Variants in ROBO2 observed in about 807,000 individuals in gnomAD.
ROBO2 encodes the protein roundabout homolog 2.
A neutral mutation model predicts 160.8 loss-of-function variants in ROBO2; 53 were observed. That is an observed-to-expected ratio of 0.33 (90% confidence interval 0.26 to 0.41). The LOEUF (loss-of-function observed/expected upper bound fraction) is 0.41. Ranked by LOEUF, ROBO2 falls within the 10% of genes least tolerant of loss-of-function variation. The pLI is 1.00. For missense variants in ROBO2, 1,577 were observed against 1,722.4 expected (o/e 0.92, Z 1.49); for synonymous variants, 664 against 611.7 (o/e 1.09, Z -1.26).
In ROBO2 at chr3:76,396,881, G is replaced by A. The variant is rs146125906; in HGVS notation, c.109+459279G>A. Among the ~76,000 whole-genome samples the A allele has an allele frequency of 3.3e-3, 501 of 152,234 alleles. 6 individuals are homozygous for A. The highest frequency in any genetic ancestry group is 0.024 in the Admixed American group (366 of 15,282). ...CATGGGTAGGAAGAATCAATATTGT[G>A]GAAATGGCCATACTGCCCAAGGTAA... On this transcript the variant is annotated intron_variant, in intron 2 of 26. Coordinates refer to the ROBO2 transcript ENST00000487694.
At chr3:75,913,564 A>T (rs1356903581) in intron 1 of ROBO2, among the ~76,000 whole-genome samples, 1 of 152,226 alleles carries the variant, frequency 6.6e-6, no homozygotes, top group Non-Finnish European at 1.5e-5. Flanking sequence ...ACAGCTACTG[A>T]TAAATTAAAT....
At chr3:77,422,559 G>T (rs1581814660) in intron 2 of ROBO2, among the ~76,000 whole-genome samples, 1 of 152,168 alleles carries the variant, frequency 6.6e-6, no homozygotes, top group Admixed American at 6.5e-5. Flanking sequence ...TCAGCTCAAT[G>T]ATATCGAACC....
intron 2 of ROBO2, among the ~76,000 whole-genome samples, chr3:77,188,204 TTA>T: frequency 2.0e-5 from 3 of 151,866 alleles, no homozygotes; most frequent in African/African-American, 7.2e-5. Context: ...GCTTATTTAC[TTA>T]TATATTATTT....
At chr3:77,439,475 C>A (rs1434330969) in intron 2 of ROBO2, among the ~76,000 whole-genome samples, 2 of 151,946 alleles carry the variant, frequency 1.3e-5, no homozygotes, top group East Asian at 3.9e-4. Flanking sequence ...TTATGATATA[C>A]AAATTAGTTC....
chr3:77,025,385 T>A, intron 2 of ROBO2, among the ~76,000 whole-genome samples: 1 of 152,298 alleles, frequency 6.6e-6, no homozygotes, highest in African/African-American at 2.4e-5. Flanking sequence ...CATCAATAAT[T>A]AATTTTGTGG....
At chr3:76,866,612 T>C (rs1330387106) in intron 2 of ROBO2, among the ~76,000 whole-genome samples, 1 of 152,196 alleles carries the variant, frequency 6.6e-6, no homozygotes, top group African/African-American at 2.4e-5. Flanking sequence ...TGACTGTCTC[T>C]TTGTGAGTTA....
chr3:76,072,841 A>C (rs2068507608), intron 2 of ROBO2, among the ~76,000 whole-genome samples: 1 of 152,186 alleles, frequency 6.6e-6, no homozygotes, highest in African/African-American at 2.4e-5. Flanking sequence ...AGAGGCAGTA[A>C]AGTTGTACTA....
intron 23 of ROBO2, chr3:77,631,221 T>C (rs866052368): frequency 6.6e-6 from 1 of 152,122 alleles, no homozygotes; most frequent in Non-Finnish European, 1.5e-5. Context: ...CCCTTTTAAC[T>C]TCTCCGATCA....
At chr3:75,996,445 A>G (rs981678917) in intron 2 of ROBO2, among the ~76,000 whole-genome samples, 1 of 152,164 alleles carries the variant, frequency 6.6e-6, no homozygotes, top group African/African-American at 2.4e-5. Context: ...CTCCCCAGCC[A>G]TGTGGAACTG....
chr3:77,047,450 T>C (rs4074094), intron 1 of ROBO2, among the ~76,000 whole-genome samples: 113,831 of 150,406 alleles, frequency 0.76, 44,912 homozygotes, highest in Non-Finnish European at 0.87. Flanking sequence ...TTTGGGAGGG[T>C]GAGGTGTGTG....
intron 2 of ROBO2, among the ~76,000 whole-genome samples, chr3:77,288,678 T>A (rs1214689845): frequency 6.6e-6 from 1 of 152,112 alleles, no homozygotes; most frequent in Non-Finnish European, 1.5e-5. Flanking sequence ...GGAATCACAC[T>A]TTTCCTGAAC....
chr3:76,053,176 G>T (rs2067710892), intron 2 of ROBO2, among the ~76,000 whole-genome samples: 1 of 151,856 alleles, frequency 6.6e-6, no homozygotes, highest in Admixed American at 6.6e-5. Flanking sequence ...GGTCAGTTTT[G>T]CTTTTTACGT....
chr3:77,356,651 T>G (rs992354813), intron 2 of ROBO2, among the ~76,000 whole-genome samples: 1 of 152,182 alleles, frequency 6.6e-6, no homozygotes, highest in African/African-American at 2.4e-5. Context: ...ACGCAATTTA[T>G]ATATTGTTTT....
At chr3:76,666,375 A>T (rs1277914978) in intron 2 of ROBO2, among the ~76,000 whole-genome samples, 1 of 152,066 alleles carries the variant, frequency 6.6e-6, no homozygotes, top group Admixed American at 6.6e-5. Flanking sequence ...GTTCACCGTG[A>T]CCCAAATGCT....
In ROBO2 at chr3:76,994,063, GA is replaced by G. The variant is rs145148431; in HGVS notation, c.110-103943del. Among the ~76,000 whole-genome samples the G allele has an allele frequency of 3.4e-5, 5 of 145,306 alleles. No homozygotes were observed. In the South Asian group the frequency reaches 6.6e-4, roughly 19 times the overall value. ...GAGTTCTCACTCCGTAATTTGGTGA[GA>G]AAAAAAACAAAGATGTGCTTTTTTT... On this transcript the variant is annotated intron_variant, in intron 2 of 26. Transcript: ENST00000487694.
At chr3:76,869,965 C>G (rs2071853231) in intron 2 of ROBO2, among the ~76,000 whole-genome samples, 1 of 152,026 alleles carries the variant, frequency 6.6e-6, no homozygotes, top group Non-Finnish European at 1.5e-5. Flanking sequence ...AGACTTCCTC[C>G]CAATTAAAGT....
intron 2 of ROBO2, among the ~76,000 whole-genome samples, chr3:75,959,723 A>T (rs1948844404): frequency 6.6e-6 from 1 of 151,756 alleles, no homozygotes; most frequent in South Asian, 2.1e-4. Flanking sequence ...TCAATGTCCC[A>T]TCAATAGAAA....
chr3:76,432,974 C>A (rs2109030225), intron 2 of ROBO2, among the ~76,000 whole-genome samples: 1 of 152,248 alleles, frequency 6.6e-6, no homozygotes, highest in African/African-American at 2.4e-5. Context: ...TCTTAGCGAT[C>A]ATTTGTTCAC....
At chr3:76,218,754 A>G (rs1383960615) in intron 2 of ROBO2, among the ~76,000 whole-genome samples, 3 of 152,012 alleles carry the variant, frequency 2.0e-5, no homozygotes, top group African/African-American at 4.8e-5. Flanking sequence ...TAATTTATAG[A>G]TTCAATGCCA....
Sources: gnomAD v4.1 joint callset for allele counts (sites outside exome capture counted in the v4.1 genomes callset) on GRCh38, gnomAD v4.1.1 for gene constraint, MANE v1.5 for transcripts, NCBI Gene and HGNC (gene_info 2026-07-23, HGNC 2026-07-21) for gene names.